L3MBTL4: variants seen among roughly 807,000 people sequenced by gnomAD.
L3MBTL4 encodes the protein lethal(3)malignant brain tumor-like protein 4.
Under a neutral mutation model 84.5 loss-of-function variants are expected in L3MBTL4, and 70 were observed. The ratio of observed to expected loss-of-function variants is 0.83; its 90% CI spans 0.68 to 1.01. L3MBTL4 has a LOEUF of 1.01. Ranked by LOEUF, L3MBTL4 falls within the 50% of genes least tolerant of loss-of-function variation. The pLI is 0.00. For missense variants in L3MBTL4, 715 were observed against 754.8 expected, an observed-to-expected ratio of 0.95 and a Z score of 0.62; for synonymous variants, 274 against 259.8, an observed-to-expected ratio of 1.05 and a Z score of -0.52.
chr18:6,230,715 A>T (rs1437445522), intron 10 of L3MBTL4, among the ~76,000 whole-genome samples: 1 of 152,346 alleles, frequency 6.6e-6, no homozygotes, highest in East Asian at 1.9e-4. Context: ...CCCGCAATGT[A>T]TAAGTGTTCA....
intron 7 of L3MBTL4, 123 bp downstream of exon 7, chr18:6,243,171 C>T: frequency 1.2e-6 from 1 of 830,890 alleles, no homozygotes. Flanking sequence ...TTATGGAACA[C>T]AATTTCATTT....
At chr18:6,384,036 C>A (rs1230450333) in intron 1 of L3MBTL4, among the ~76,000 whole-genome samples, 3 of 152,040 alleles carry the variant, frequency 2.0e-5, no homozygotes, top group Non-Finnish European at 4.4e-5. Context: ...GGTGGAAGCC[C>A]AATAACTGAC....
chr18:6,187,773 G>A (rs1029476801), intron 12 of L3MBTL4, among the ~76,000 whole-genome samples: 3 of 149,962 alleles, frequency 2.0e-5, no homozygotes, highest in Non-Finnish European at 4.4e-5. Context: ...TAACATGTTT[G>A]TTCATACTTT....
rs188411563 is a variant in L3MBTL4 at position 6,234,915 on chromosome 18, C to T, written c.784+3049G>A. Among the ~76,000 whole-genome samples, 403 of 152,204 alleles carry T rather than the reference C, an allele frequency of 2.6e-3. 4 individuals carry two copies. Among genetic ancestry groups the T allele is most frequent in the Admixed American group, 0.024 (373 of 15,276 alleles). Reference sequence around the variant, plus strand: ...CACAACAGCAAAGACTTGGAACCAGCCCAAATGACCATCAGTCATAGACTG... The same window carrying T: ...CACAACAGCAAAGACTTGGAACCAGTCCAAATGACCATCAGTCATAGACTG... On this transcript the variant is annotated intron_variant, in intron 10 of 18. Transcript: ENST00000317931.
chr18:6,125,233 C>G (rs1355490835), intron 14 of L3MBTL4, among the ~76,000 whole-genome samples: 1 of 151,980 alleles, frequency 6.6e-6, no homozygotes, highest in Non-Finnish European at 1.5e-5. Context: ...CCTCCTTTGT[C>G]CTACCACTAG....
intron 5 of L3MBTL4, among the ~76,000 whole-genome samples, chr18:6,245,213 G>T (rs894812086): frequency 6.6e-6 from 1 of 152,122 alleles, no homozygotes; most frequent in Non-Finnish European, 1.5e-5. Flanking sequence ...TTTTTTGAAA[G>T]AATTCACTGT....
intron 1 of L3MBTL4, among the ~76,000 whole-genome samples, chr18:6,372,497 C>A (rs1052200844): frequency 3.3e-5 from 5 of 152,152 alleles, no homozygotes; most frequent in African/African-American, 1.2e-4. Flanking sequence ...AACTATAATT[C>A]TCTTCAATAT....
intron 14 of L3MBTL4, among the ~76,000 whole-genome samples, chr18:6,131,784 C>T (rs1286159622): frequency 1.3e-5 from 2 of 152,160 alleles, no homozygotes; most frequent in South Asian, 2.1e-4. Flanking sequence ...TCAAAAGATA[C>T]TATCCAAGGT....
intron 12 of L3MBTL4, among the ~76,000 whole-genome samples, chr18:6,178,303 T>C (rs899538407): frequency 1.3e-5 from 2 of 152,202 alleles, no homozygotes; most frequent in African/African-American, 4.8e-5. Flanking sequence ...AAGGGCTGTC[T>C]AAACTCTGAA....
chr18:6,299,710 C>T (rs2050250802), intron 4 of L3MBTL4, among the ~76,000 whole-genome samples: 1 of 152,098 alleles, frequency 6.6e-6, no homozygotes, highest in South Asian at 2.1e-4. Context: ...CACTTTGTCC[C>T]CCAGGCTGGA....
intron 1 of L3MBTL4, among the ~76,000 whole-genome samples, chr18:6,410,524 G>A (rs1219961621): frequency 1.3e-5 from 2 of 152,058 alleles, no homozygotes; most frequent in Non-Finnish European, 2.9e-5. Flanking sequence ...ATAAAGGACT[G>A]GAGCAATGCT....
intron 12 of L3MBTL4, among the ~76,000 whole-genome samples, chr18:6,175,264 A>G (rs2044176479): frequency 6.6e-6 from 1 of 152,216 alleles, no homozygotes; most frequent in Non-Finnish European, 1.5e-5. Context: ...AGGCAAGAAG[A>G]TAATAAAATG....
chr18:6,196,314 C>A (rs545790471), intron 12 of L3MBTL4, among the ~76,000 whole-genome samples: 1 of 152,058 alleles, frequency 6.6e-6, no homozygotes, highest in Non-Finnish European at 1.5e-5. Flanking sequence ...CCCGCCACCA[C>A]GCCCGTCTAA....
At chr18:6,386,317 A>T (rs900528451) in intron 1 of L3MBTL4, among the ~76,000 whole-genome samples, 1 of 152,196 alleles carries the variant, frequency 6.6e-6, no homozygotes, top group Non-Finnish European at 1.5e-5. Flanking sequence ...CCTGCCATTG[A>T]TGTCTGGGGA....
intron 1 of L3MBTL4, among the ~76,000 whole-genome samples, chr18:6,409,404 C>G (rs553965941): frequency 6.6e-6 from 1 of 152,312 alleles, no homozygotes; most frequent in Admixed American, 6.5e-5. Context: ...AATTACAGAA[C>G]CATTGACCCT....
At chr18:6,276,907 T>C (rs1484472186) in intron 4 of L3MBTL4, among the ~76,000 whole-genome samples, 1 of 152,066 alleles carries the variant, frequency 6.6e-6, no homozygotes, top group East Asian at 1.9e-4. Context: ...CTGAAAGCCA[T>C]AAAACTGTCA....
At chr18:6,120,282 C>T (rs1288267176) in intron 14 of L3MBTL4, among the ~76,000 whole-genome samples, 2 of 152,110 alleles carry the variant, frequency 1.3e-5, no homozygotes, top group East Asian at 3.9e-4. Flanking sequence ...TTGCTAATGG[C>T]CTTTACACCA....
At chr18:5,958,160 CAAGAAGAAGAAGAA>C (rs1567912274) in intron 18 of L3MBTL4, among the ~76,000 whole-genome samples, 4,454 of 55,372 alleles carry the variant, frequency 0.08, 301 homozygotes, top group African/African-American at 0.24. Flanking sequence ...AGAAGAAGAA[CAAGAAGAAGAAGAA>C]GACGACGAAG....
chr18:6,004,175 T>C (rs973622056), intron 16 of L3MBTL4, among the ~76,000 whole-genome samples: 1 of 152,060 alleles, frequency 6.6e-6, no homozygotes, highest in Non-Finnish European at 1.5e-5. Flanking sequence ...ATTACTAAAA[T>C]CACAAATGAA....
Sources: gnomAD v4.1 joint callset for allele counts (sites outside exome capture counted in the v4.1 genomes callset) on GRCh38, gnomAD v4.1.1 for gene constraint, MANE v1.5 for transcripts, NCBI Gene and HGNC (gene_info 2026-07-23, HGNC 2026-07-21) for gene names.